The following RNF220 variants were observed in gnomAD, a reference collection of about 807,000 sequenced individuals.
RNF220 encodes the protein E3 ubiquitin-protein ligase RNF220.
A neutral mutation model predicts 67.1 loss-of-function variants in RNF220; 7 were observed. That is an observed-to-expected ratio of 0.10 (90% CI 0.06 to 0.20). The LOEUF is 0.20. Ranked by LOEUF, RNF220 falls within the 10% of genes least tolerant of loss-of-function variation. The pLI, the probability that RNF220 is intolerant of heterozygous loss-of-function variation, is 1.00. For synonymous variants in RNF220, 270 were observed against 283.2 expected (o/e 0.95, Z 0.47); for missense variants, 565 against 740.3 (o/e 0.76, Z 2.75).
At chr1:44,563,477 G>A (rs1349129668) in intron 2 of RNF220, among the ~76,000 whole-genome samples, 2 of 152,274 alleles carry the variant, frequency 1.3e-5, no homozygotes, top group South Asian at 2.1e-4. Flanking sequence ...CCAGATGAAC[G>A]GGAAGAGGGA....
intron 2 of RNF220, among the ~76,000 whole-genome samples, chr1:44,541,596 G>A (rs541615409): frequency 1.3e-5 from 2 of 152,216 alleles, no homozygotes; most frequent in African/African-American, 4.8e-5. Flanking sequence ...TAACTGGAAG[G>A]TTCCTCAGAG....
At position 44,650,622 on chromosome 1, in the gene RNF220, A is replaced by G; in HGVS notation, c.1630-82A>G. On this transcript the variant is annotated intron_variant, in intron 14 of 14. Transcript: ENST00000361799. This position sits in a 1 kb window ranked among gnomAD's most constrained non-coding sequence, Gnocchi z 4.3. ...GGTCTCAGCACACACTGGTGCAGAGAGACATGGCTGCAGGCCCAGGTGCTC... is the reference window on the plus strand; with the variant it reads ...GGTCTCAGCACACACTGGTGCAGAGGGACATGGCTGCAGGCCCAGGTGCTC... 2.1e-6 allele frequency: 3 copies of G among 1,447,566 alleles called. No homozygotes were observed. The highest frequency in any genetic ancestry group is 2.9e-6 in the Non-Finnish European group (3 of 1,033,358). The allele number at this position is 1,447,566 out of a possible 1,614,324, so 89.7% of individuals were successfully genotyped here. A position where few individuals can be genotyped will look rare whatever the true frequency, so the allele number is the denominator to read the frequency against.
intron 2 of RNF220, among the ~76,000 whole-genome samples, chr1:44,433,236 G>A (rs186399853): frequency 8.5e-5 from 13 of 152,196 alleles, no homozygotes; most frequent in African/African-American, 3.1e-4. Context: ...GGCCAAATTA[G>A]CATTTTTAAA....
chr1:44,481,014 A>T (rs547720622), intron 2 of RNF220, among the ~76,000 whole-genome samples: 14 of 152,340 alleles, frequency 9.2e-5, no homozygotes, highest in African/African-American at 3.4e-4. Context: ...CACTTTGAGA[A>T]CAGTTTAGTG....
At chr1:44,481,483 C>T (rs1655803408) in intron 2 of RNF220, among the ~76,000 whole-genome samples, 1 of 152,068 alleles carries the variant, frequency 6.6e-6, no homozygotes, top group South Asian at 2.1e-4. Context: ...GAGAGTTGAA[C>T]AATGAGAACA....
chr1:44,430,012 C>A (rs1650187835), intron 2 of RNF220, among the ~76,000 whole-genome samples: 2 of 147,134 alleles, frequency 1.4e-5, no homozygotes, highest in African/African-American at 5.0e-5. Flanking sequence ...TAGAATACTA[C>A]ATAGTGGTTA....
intron 2 of RNF220, among the ~76,000 whole-genome samples, chr1:44,548,046 G>A (rs1160112261): frequency 2.6e-5 from 4 of 152,028 alleles, no homozygotes; most frequent in African/African-American, 9.7e-5. Context: ...TATTGTCCCA[G>A]GCCCTTAAGC....
intron 2 of RNF220, among the ~76,000 whole-genome samples, chr1:44,468,029 A>G (rs1654436606): frequency 6.6e-6 from 1 of 152,024 alleles, no homozygotes; most frequent in African/African-American, 2.4e-5. Context: ...TAAGTGTGCC[A>G]TCTTATATGA....
At chr1:44,635,692 TC>T in intron 7 of RNF220, 104 bp downstream of exon 7, 1 of 1,579,518 alleles carries the variant, frequency 6.3e-7, no homozygotes, top group Non-Finnish European at 8.6e-7. Flanking sequence ...CCACCCACCT[TC>T]CTTCCCCGCT....
intron 2 of RNF220, among the ~76,000 whole-genome samples, chr1:44,542,799 T>C (rs1661778925): frequency 6.6e-6 from 1 of 152,146 alleles, no homozygotes; most frequent in Admixed American, 6.5e-5. Context: ...ACCCTCGAGT[T>C]CTCCTGTAGC....
rs1457914452 is a variant in RNF220, at chr1:44,470,067, AAG to A, written c.625+57348_625+57349del. Among the ~76,000 whole-genome samples the A allele has an allele frequency of 8.3e-5, 8 of 96,678 alleles. No individual in the cohort carries two copies. In the South Asian group the frequency reaches 2.2e-3, roughly 26 times the overall value. 63.4% of individuals were successfully genotyped at this position (96,678 alleles called of 152,430 possible). On this transcript the variant is annotated intron_variant, in intron 2 of 14. Coordinates refer to ENST00000361799, the MANE Select transcript of RNF220 (RefSeq NM_018150.4). Reference sequence around the variant, plus strand: ...AGTAGAGAATGCATTGCAGGGAAACAAGAGCAGATGTGCAGAGGTGAGTAAGG... The same window carrying A: ...AGTAGAGAATGCATTGCAGGGAAACAAGCAGATGTGCAGAGGTGAGTAAGG...
chr1:44,548,135 T>A (rs79597809), intron 2 of RNF220, among the ~76,000 whole-genome samples: 28,545 of 152,118 alleles, frequency 0.19, 3,355 homozygotes, highest in Middle Eastern at 0.28. Flanking sequence ...ATCCTGTGGA[T>A]TCCTTATCGT....
In RNF220 at chr1:44,650,364, C is replaced by T. The variant is rs1644758936; in HGVS notation, c.1630-340C>T. On this transcript the variant is annotated intron_variant, in intron 14 of 14. Coordinates refer to ENST00000361799, the MANE Select transcript of RNF220 (RefSeq NM_018150.4). This position sits in a 1 kb window ranked among gnomAD's most constrained non-coding sequence, Gnocchi z 4.3. Reference sequence around the variant, plus strand: ...TCAGGAGCAGCCATTAAAATGTCGCCCGGAGACAGTAATAAAAGGCTCGGA... The same window carrying T: ...TCAGGAGCAGCCATTAAAATGTCGCTCGGAGACAGTAATAAAAGGCTCGGA... 3 of 470,412 alleles carry T rather than the reference C, an allele frequency of 6.4e-6. No homozygotes were observed. The Admixed American group carries it at 1.0e-4, about 16-fold the overall frequency. 29.1% of individuals were successfully genotyped at this position (470,412 alleles called of 1,614,324 possible).
intron 2 of RNF220, among the ~76,000 whole-genome samples, chr1:44,534,962 A>T (rs1202568369): frequency 1.3e-5 from 2 of 152,128 alleles, no homozygotes; most frequent in African/African-American, 4.8e-5. Flanking sequence ...AGAGCGGGAA[A>T]GGGGGAGCTA....
intron 2 of RNF220, among the ~76,000 whole-genome samples, chr1:44,502,963 G>A (rs1479700981): frequency 6.6e-6 from 1 of 151,906 alleles, no homozygotes; most frequent in Non-Finnish European, 1.5e-5. Flanking sequence ...GGAGAGATGG[G>A]GTCTTGCTGT....
chr1:44,527,657 G>A (rs1385040008), intron 2 of RNF220, among the ~76,000 whole-genome samples: 2 of 151,844 alleles, frequency 1.3e-5, no homozygotes, highest in Admixed American at 6.6e-5. Context: ...TGGGTGCGGT[G>A]GCTCACACCT....
rs756679369 is a variant in RNF220, at chr1:44,591,524, G to A, written c.626-22641G>A. 2.6e-5 allele frequency among the ~76,000 whole-genome samples: 4 copies of A among 152,300 alleles called. No individual in the cohort carries two copies. The South Asian group carries it at 8.3e-4, about 32-fold the overall frequency. On this transcript the variant is annotated intron_variant, in intron 2 of 14. Coordinates refer to ENST00000361799, the MANE Select transcript of RNF220 (RefSeq NM_018150.4). ...GAGGTCAGTAATTCCAGCTACGTCCGCCATGTCTAAGGATCCAACTGCCTT... is the reference window on the plus strand; with the variant it reads ...GAGGTCAGTAATTCCAGCTACGTCCACCATGTCTAAGGATCCAACTGCCTT...
chr1:44,634,735 G>A (rs1253787073), intron 6 of RNF220, among the ~76,000 whole-genome samples: 1 of 152,246 alleles, frequency 6.6e-6, no homozygotes, highest in Non-Finnish European at 1.5e-5. Flanking sequence ...TGATTGCATT[G>A]CTCAGCATTA....
chr1:44,412,276 T>A lies in RNF220; in HGVS notation c.179T>A (p.Ile60Asn). 6.2e-7 allele frequency: 1 copy of A among 1,614,190 alleles called. No homozygotes were observed. Among genetic ancestry groups the A allele is most frequent in the Non-Finnish European group, 8.5e-7 (1 of 1,180,026 alleles). The part of the protein sequence containing the change: ...VPVSVDKDVH[I>N]PFTNGSYTFA... ...GTCTCAGTTGACAAGGACGTGCATATTCCTTTCACCAACGGTTCCTATACC... is the reference window on the plus strand; with the variant it reads ...GTCTCAGTTGACAAGGACGTGCATAATCCTTTCACCAACGGTTCCTATACC... The change falls in exon 2 of 15, where the codon ATT (isoleucine) becomes AAT (asparagine). Residue 60 changes from isoleucine (I) to asparagine (N), a missense_variant. Physicochemically the swap from Ile to Asn is moderately radical, Grantham distance 149. Coordinates refer to ENST00000361799, the MANE Select transcript of RNF220 (RefSeq NM_018150.4). The surrounding 1 kb of genome is among the most constrained non-coding windows in gnomAD (Gnocchi z 5.3).
Sources: gnomAD v4.1 joint callset for allele counts (sites outside exome capture counted in the v4.1 genomes callset) on GRCh38, gnomAD v4.1.1 for gene constraint, Gnocchi (gnomAD v3.1) non-coding constraint, MANE v1.5 for transcripts, NCBI Gene and HGNC (gene_info 2026-07-23, HGNC 2026-07-21) for gene names.